Variants in CTNNAL1 observed in about 807,000 individuals in gnomAD.
CTNNAL1 encodes the protein alpha-catulin.
CTNNAL1 carries 69 observed loss-of-function variants against 93.6 expected under a neutral mutation model. The ratio of observed to expected loss-of-function variants is 0.74; its 90% CI spans 0.61 to 0.90. CTNNAL1 has a LOEUF of 0.90. Ranked by LOEUF, CTNNAL1 falls within the 40% of genes least tolerant of loss-of-function variation. The pLI, the probability that CTNNAL1 is intolerant of heterozygous loss-of-function variation, is 0.00. For missense variants in CTNNAL1, 836 were observed against 862.0 expected, an observed-to-expected ratio of 0.97 and a Z score of 0.38; for synonymous variants, 286 against 305.4, an observed-to-expected ratio of 0.94 and a Z score of 0.66.
intron 2 of CTNNAL1, among the ~76,000 whole-genome samples, 165 bp from the exon 3 acceptor site, chr9:108,992,984 G>A (rs12346445): frequency 0.072 from 10,903 of 152,226 alleles, 484 homozygotes; most frequent in Admixed American, 0.13. Context: ...ATTATCATAC[G>A]AAGCTTTCTA....
intron 6 of CTNNAL1, among the ~76,000 whole-genome samples, chr9:108,979,858 A>C (rs1831377222): frequency 6.6e-6 from 1 of 152,250 alleles, no homozygotes; most frequent in African/African-American, 2.4e-5. Flanking sequence ...TTACACCCAA[A>C]TATGAAATGT....
chr9:108,982,285 T>C (rs958863381), intron 6 of CTNNAL1, among the ~76,000 whole-genome samples: 7 of 152,196 alleles, frequency 4.6e-5, no homozygotes, highest in African/African-American at 1.7e-4. Context: ...ATAATAGCAA[T>C]AGTTCTTTGA....
intron 1 of CTNNAL1, among the ~76,000 whole-genome samples, chr9:109,009,910 T>C (rs1827158671): frequency 6.6e-6 from 1 of 152,252 alleles, no homozygotes; most frequent in Non-Finnish European, 1.5e-5. Context: ...TGTGTATACA[T>C]AGAGATAGAG....
At chr9:108,997,241 A>G (rs937278957) in intron 2 of CTNNAL1, among the ~76,000 whole-genome samples, 1 of 152,168 alleles carries the variant, frequency 6.6e-6, no homozygotes, top group Non-Finnish European at 1.5e-5. Flanking sequence ...TACCTATTCA[A>G]CCACCTTAAT....
chr9:108,974,932 G>A (rs572121655), intron 8 of CTNNAL1, among the ~76,000 whole-genome samples: 3 of 152,252 alleles, frequency 2.0e-5, no homozygotes, highest in South Asian at 2.1e-4. Context: ...GGAGGCCAGG[G>A]CAGGTGGATC....
chr9:108,980,879 G>GT (rs893712857), intron 6 of CTNNAL1, among the ~76,000 whole-genome samples: 42 of 152,118 alleles, frequency 2.8e-4, no homozygotes, highest in Non-Finnish European at 4.7e-4. Flanking sequence ...GTTTTGTGGG[G>GT]TTTTTTTAAA....
chr9:108,993,856 C>G (rs2132182099), intron 2 of CTNNAL1, among the ~76,000 whole-genome samples: 1 of 152,284 alleles, frequency 6.6e-6, no homozygotes, highest in South Asian at 2.1e-4. Context: ...AATGTGTCAG[C>G]TCATAGGCTA....
chr9:108,965,944 A>G (rs1830940317), intron 10 of CTNNAL1, among the ~76,000 whole-genome samples: 1 of 152,206 alleles, frequency 6.6e-6, no homozygotes, highest in Non-Finnish European at 1.5e-5. Context: ...TAGTGATAAT[A>G]ATAAGTAACA....
At chr9:108,989,764 T>G (rs1831729443) in intron 4 of CTNNAL1, among the ~76,000 whole-genome samples, 1 of 152,128 alleles carries the variant, frequency 6.6e-6, no homozygotes, top group South Asian at 2.1e-4. Flanking sequence ...AAGGAACTAA[T>G]ATTGGCTGGG....
At chr9:108,960,564 T>G (rs1042657278) in intron 11 of CTNNAL1, among the ~76,000 whole-genome samples, 3 of 152,174 alleles carry the variant, frequency 2.0e-5, no homozygotes, top group African/African-American at 7.2e-5. Flanking sequence ...TTAAGATTCT[T>G]GGCACGATTG....
chr9:108,977,198 A>G (rs1831291938), intron 7 of CTNNAL1, 150 bp from the exon 8 acceptor site: 4 of 397,180 alleles, frequency 1.0e-5, no homozygotes, highest in Non-Finnish European at 1.8e-5. Context: ...TTTAAGTTAC[A>G]GTGGAAAATA....
chr9:108,963,737 T>C (rs999319332), intron 11 of CTNNAL1, among the ~76,000 whole-genome samples: 1 of 152,166 alleles, frequency 6.6e-6, no homozygotes, highest in Non-Finnish European at 1.5e-5. Flanking sequence ...CAGAAGACAA[T>C]ATTCCTCTGG....
intron 1 of CTNNAL1, among the ~76,000 whole-genome samples, chr9:109,010,106 C>T (rs1329218655): frequency 6.6e-6 from 1 of 152,136 alleles, no homozygotes; most frequent in African/African-American, 2.4e-5. Context: ...AACTGCAGCC[C>T]TCAGCTGCTG....
intron 8 of CTNNAL1, 31 bp from the exon 9 acceptor site, chr9:108,972,864 G>GGGGGGGGGGGGCCCCCCCCCCCCCCCC: frequency 7.0e-6 from 1 of 142,584 alleles, no homozygotes; most frequent in Non-Finnish European, 1.0e-5. Context: ...GGGGGGGTGG[G>GGGGGGGGGGGGCCCCCCCCCCCCCCCC]AGGGTGGAGA....
In CTNNAL1 at chr9:108,952,365, T is replaced by G. The variant is rs758056283; in HGVS notation, c.1681-2A>C. ...AAGCTTTGCTATCTTGGCTTGCTCC[T>G]ATGAAACAGACGTTTTAATCACAAC... On this transcript the variant is annotated splice_acceptor_variant, in intron 13 of 18. Transcript: ENST00000325551. LOFTEE classifies it high-confidence loss of function. 1 of 1,614,066 alleles carries G rather than the reference T, an allele frequency of 6.2e-7. No homozygotes were observed.
rs1428577020 is a variant in CTNNAL1 at position 108,942,671 on chromosome 9, TA to T, written c.*97del. 18 of 873,502 alleles carry T rather than the reference TA, an allele frequency of 2.1e-5. No individual in the cohort carries two copies. Among genetic ancestry groups the T allele is most frequent in the Non-Finnish European group, 3.1e-5 (17 of 549,940 alleles). 54.1% of individuals were successfully genotyped at this position (873,502 alleles called of 1,614,324 possible). Reference sequence around the variant, plus strand: ...CAAAATTTCAATATTGTTTTCTTTATAAAATTGATGAATTTCTGAAAAGATA... The same window carrying T: ...CAAAATTTCAATATTGTTTTCTTTATAAATTGATGAATTTCTGAAAAGATA... On this transcript the variant is annotated 3_prime_UTR_variant, in exon 19 of 19. Transcript: ENST00000325551.
rs140530317 is a variant in CTNNAL1 at position 108,983,203 on chromosome 9, G to A, written c.842C>T (p.Pro281Leu). The stretch of plus-strand genomic sequence containing the variant: ...AGATGAAATGTCAGTCTCTCCATTC[G>A]GTTTACAGTCAGTCACAATTTCAAT... ...KVIEIVTDCKPNGETDISSIS... is the reference protein window; with the variant it reads ...KVIEIVTDCKLNGETDISSIS... Residue 281 changes from proline (P) to leucine (L), a missense_variant, in exon 6 of 19, where the codon CCG (proline) becomes CTG (leucine). Physicochemically the swap from Pro to Leu is moderately conservative, Grantham distance 98. Transcript: ENST00000325551. 463 of 1,583,684 alleles carry A rather than the reference G, an allele frequency of 2.9e-4. No homozygotes were observed. Among genetic ancestry groups the A allele is most frequent in the Non-Finnish European group, 3.6e-4 (419 of 1,164,606 alleles).
At chr9:108,947,998 G>T (rs995420032) in intron 15 of CTNNAL1, among the ~76,000 whole-genome samples, 188 bp downstream of exon 15, 9 of 152,154 alleles carry the variant, frequency 5.9e-5, no homozygotes, top group African/African-American at 2.2e-4. Context: ...TTCCAATGAG[G>T]TCAGGATAGT....
chr9:108,993,594 T>C (rs1161843670), intron 2 of CTNNAL1, among the ~76,000 whole-genome samples: 5 of 152,222 alleles, frequency 3.3e-5, no homozygotes, highest in Admixed American at 1.3e-4. Context: ...TCTTCACTGT[T>C]GCTATCAAAA....
Sources: allele counts gnomAD v4.1 joint callset (sites outside exome capture counted in the v4.1 genomes callset), GRCh38; gene constraint gnomAD v4.1.1; transcripts MANE v1.5; gene names NCBI Gene and HGNC (gene_info 2026-07-23, HGNC 2026-07-21).